The following RIMS2 variants were observed in gnomAD, a reference collection of about 807,000 sequenced individuals.
RIMS2 encodes the protein regulating synaptic membrane exocytosis 2.
In RIMS2, 59 loss-of-function variants were observed where a neutral mutation model predicts 174.4. That is an observed-to-expected ratio of 0.34 (90% CI 0.27 to 0.42). The LOEUF (loss-of-function observed/expected upper bound fraction) is 0.42. Ranked by LOEUF, RIMS2 falls within the 10% of genes least tolerant of loss-of-function variation. The pLI, the probability that RIMS2 is intolerant of heterozygous loss-of-function variation, is 1.00. For missense variants in RIMS2, 1,620 were observed against 1,666.3 expected (o/e 0.97, Z 0.48); for synonymous variants, 606 against 572.5 (o/e 1.06, Z -0.84).
chr8:103,628,939 G>A (rs1330834113), intron 1 of RIMS2, among the ~76,000 whole-genome samples: 1 of 152,116 alleles, frequency 6.6e-6, no homozygotes, highest in East Asian at 1.9e-4. Flanking sequence ...TGTGAGCAGA[G>A]GTCTGTCCAC....
chr8:104,055,190 A>G (rs1168078105), intron 19 of RIMS2, among the ~76,000 whole-genome samples: 1 of 152,100 alleles, frequency 6.6e-6, no homozygotes, highest in Non-Finnish European at 1.5e-5. Context: ...GATACTTTTA[A>G]TACTCTCAAA....
intron 3 of RIMS2, among the ~76,000 whole-genome samples, chr8:103,812,386 G>C (rs138960122): frequency 0.026 from 2,745 of 104,976 alleles, 31 homozygotes; most frequent in Non-Finnish European, 0.035. Flanking sequence ...TTTCACCCTT[G>C]TCCCCCAGGC....
chr8:103,636,530 T>C (rs1161150131), intron 1 of RIMS2, among the ~76,000 whole-genome samples: 1 of 152,136 alleles, frequency 6.6e-6, no homozygotes, highest in Non-Finnish European at 1.5e-5. Context: ...ATTCACTCAC[T>C]GCTTCTTTGT....
At chr8:103,651,554 G>T (rs866575881) in intron 1 of RIMS2, among the ~76,000 whole-genome samples, 27 of 152,292 alleles carry the variant, frequency 1.8e-4, no homozygotes, top group South Asian at 2.1e-4. Flanking sequence ...AGAACTAGAA[G>T]TAAAGCACTG....
intron 3 of RIMS2, among the ~76,000 whole-genome samples, chr8:103,776,507 G>A (rs1270917479): frequency 1.3e-5 from 2 of 152,016 alleles, no homozygotes; most frequent in Non-Finnish European, 2.9e-5. Flanking sequence ...TTTTTCTCCA[G>A]TGGTTTTGTC....
chr8:103,921,702 A>T (rs758912547), exon 10 of RIMS2: 1 of 1,548,788 alleles, frequency 6.5e-7, no homozygotes, highest in African/African-American at 1.4e-5. Flanking sequence ...CAAAAAATGG[A>T]TCGTCCTTCT....
Position 104,207,635 on chromosome 8 carries a change from A to ATC in RIMS2, c.3335-37277_3335-37276dup, listed in dbSNP as rs527559758. ...AGCCTGGCCAACGTGGTGAAACCCC[A>ATC]TCTCTACTAAAAACACACACACACA... is the stretch of plus-strand genomic sequence containing the variant. On this transcript the variant is annotated intron_variant, in intron 19 of 23. Coordinates refer to ENST00000504942, the Ensembl canonical transcript of RIMS2. 3.4e-3 allele frequency among the ~76,000 whole-genome samples: 518 copies of ATC among 151,832 alleles called. 10 individuals are homozygous for ATC. The highest frequency in any genetic ancestry group is 0.012 in the Admixed American group (184 of 15,246).
intron 2 of RIMS2, among the ~76,000 whole-genome samples, chr8:103,749,595 A>G (rs2097861391): frequency 6.6e-6 from 1 of 152,160 alleles, no homozygotes; most frequent in Admixed American, 6.5e-5. Flanking sequence ...GTTGTTATGA[A>G]GAAATACCTG....
chr8:103,599,897 T>A (rs1281613007), intron 1 of RIMS2, among the ~76,000 whole-genome samples: 1 of 152,168 alleles, frequency 6.6e-6, no homozygotes, highest in Non-Finnish European at 1.5e-5. Flanking sequence ...TTACAAACCA[T>A]CCAATTATAC....
At chr8:103,684,836 C>G (rs1444978675) in intron 1 of RIMS2, among the ~76,000 whole-genome samples, 1 of 152,002 alleles carries the variant, frequency 6.6e-6, no homozygotes, top group East Asian at 1.9e-4. Flanking sequence ...ATCTGCCCAC[C>G]TTGGCCTCCC....
chr8:104,079,598 G>GAT (rs5893676), intron 19 of RIMS2, among the ~76,000 whole-genome samples: 3,737 of 50,022 alleles, frequency 0.075, 208 homozygotes, highest in Non-Finnish European at 0.09. Context: ...GATTAAGCAT[G>GAT]ATATATATAT....
chr8:104,222,147 A>G (rs149104981), intron 19 of RIMS2, among the ~76,000 whole-genome samples: 16 of 152,184 alleles, frequency 1.1e-4, no homozygotes, highest in African/African-American at 3.1e-4. Context: ...TTAACTTTTT[A>G]TTTGCATTCA....
At chr8:103,749,962 A>T (rs747288190) in intron 2 of RIMS2, among the ~76,000 whole-genome samples, 1 of 152,118 alleles carries the variant, frequency 6.6e-6, no homozygotes, top group Non-Finnish European at 1.5e-5. Flanking sequence ...TAAAAATCTT[A>T]TTTTAATTCA....
chr8:104,151,295 A>G (rs1001405064), intron 19 of RIMS2, among the ~76,000 whole-genome samples: 3 of 152,184 alleles, frequency 2.0e-5, no homozygotes, highest in Non-Finnish European at 4.4e-5. Context: ...TGGTTGCGGC[A>G]TGGTGACTGA....
At chr8:104,050,611 A>G (rs2096769896) in intron 19 of RIMS2, among the ~76,000 whole-genome samples, 1 of 152,212 alleles carries the variant, frequency 6.6e-6, no homozygotes, top group African/African-American at 2.4e-5. Flanking sequence ...AGAATAATTT[A>G]TGCTATAAAG....
At chr8:103,751,008 T>C (rs957499731) in intron 2 of RIMS2, among the ~76,000 whole-genome samples, 5 of 152,146 alleles carry the variant, frequency 3.3e-5, no homozygotes, top group Admixed American at 1.3e-4. Context: ...AGAGATCTGA[T>C]GGTTTTAAAA....
chr8:104,151,146 T>C (rs2098686629), intron 19 of RIMS2, among the ~76,000 whole-genome samples: 1 of 152,218 alleles, frequency 6.6e-6, no homozygotes, highest in African/African-American at 2.4e-5. Context: ...GCAAAATTAG[T>C]AGTCATTTAC....
At chr8:104,087,363 G>A (rs1187867934) in intron 19 of RIMS2, among the ~76,000 whole-genome samples, 1 of 152,106 alleles carries the variant, frequency 6.6e-6, no homozygotes, top group Non-Finnish European at 1.5e-5. Context: ...TAAATAGCTG[G>A]ATAGATGATT....
At position 103,936,727 on chromosome 8, in the gene RIMS2, C is replaced by A; in HGVS notation, c.2547+5C>A. On this transcript the variant is annotated splice_donor_5th_base_variant and intron_variant, in intron 13 of 23. Transcript: ENST00000504942. ...GAAAGTGAATTCTTAGGCGAGGTAT[C>A]TGGAGTTGTTTTAAAGTTTATGCTA... 1 of 1,593,834 alleles carries A rather than the reference C, an allele frequency of 6.3e-7. No individual in the cohort carries two copies. Among genetic ancestry groups the A allele is most frequent in the South Asian group, 1.1e-5 (1 of 87,478 alleles).
Sources: allele counts gnomAD v4.1 joint callset (sites outside exome capture counted in the v4.1 genomes callset), GRCh38; gene constraint gnomAD v4.1.1; transcripts MANE v1.5; gene names NCBI Gene and HGNC (gene_info 2026-07-23, HGNC 2026-07-21).